Variants in ABCD3 observed in about 807,000 individuals in gnomAD.
ABCD3 encodes ATP-binding cassette sub-family D member 3.
In ABCD3, 41 loss-of-function variants were observed where a neutral mutation model predicts 105.5. The ratio of observed to expected loss-of-function variants is 0.39; its 90% CI spans 0.30 to 0.50. ABCD3 has a LOEUF of 0.50. Ranked by LOEUF, ABCD3 falls within the 20% of genes least tolerant of loss-of-function variation. The pLI is 0.84. For missense variants in ABCD3, 622 were observed against 806.3 expected, an observed-to-expected ratio of 0.77 and a Z score of 2.77; for synonymous variants, 258 against 269.0, an observed-to-expected ratio of 0.96 and a Z score of 0.40.
At chr1:94,450,377 CTGTGACA>C (rs1236018087) in intron 1 of ABCD3, among the ~76,000 whole-genome samples, 1 of 152,238 alleles carries the variant, frequency 6.6e-6, no homozygotes, top group Non-Finnish European at 1.5e-5. Context: ...CTCTGCAGTA[CTGTGACA>C]TGTTCCTGAT....
At chr1:94,428,138 C>A (rs190700815) in intron 1 of ABCD3, among the ~76,000 whole-genome samples, 3 of 148,610 alleles carry the variant, frequency 2.0e-5, no homozygotes, top group African/African-American at 7.5e-5. Context: ...TTTTTTTAAA[C>A]ACACCTTTCT....
At chr1:94,436,742 A>T (rs1433335285) in intron 1 of ABCD3, among the ~76,000 whole-genome samples, 1 of 152,192 alleles carries the variant, frequency 6.6e-6, no homozygotes, top group Non-Finnish European at 1.5e-5. Context: ...CTGTGATTGG[A>T]CATCTTTGTT....
At chr1:94,515,934 A>T (rs1174184183) in intron 22 of ABCD3, among the ~76,000 whole-genome samples, 2 of 146,912 alleles carry the variant, frequency 1.4e-5, no homozygotes, top group Non-Finnish European at 3.0e-5. Flanking sequence ...TTCCTAAATG[A>T]TATAGAAATT....
chr1:94,461,787 G>T (rs1053345331), intron 2 of ABCD3, among the ~76,000 whole-genome samples: 1 of 152,090 alleles, frequency 6.6e-6, no homozygotes, highest in African/African-American at 2.4e-5. Context: ...GTGTGGCTAA[G>T]CATATGTGCA....
At chr1:94,466,440 T>G (rs1648138714) in intron 3 of ABCD3, among the ~76,000 whole-genome samples, 1 of 152,170 alleles carries the variant, frequency 6.6e-6, no homozygotes, top group Non-Finnish European at 1.5e-5. Context: ...TCAAAACATG[T>G]AACTTCATTT....
chr1:94,514,219 G>A (rs1650821401), intron 21 of ABCD3: 1 of 152,044 alleles, frequency 6.6e-6, no homozygotes. Flanking sequence ...CCTTTTCACT[G>A]TTAATTCCTA....
rs1570851656 is a variant in ABCD3, at chr1:94,518,040, A to G, written c.*911A>G. On this transcript the variant is annotated 3_prime_UTR_variant, in exon 23 of 23. Coordinates refer to ENST00000370214, the MANE Select transcript of ABCD3 (RefSeq NM_002858.4). ...ACATGAAATAATGCACTGAGTATGC[A>G]ATGCTATCACTGTCTTTGACTGTGA... is the stretch of plus-strand genomic sequence containing the variant. 1 of 151,894 alleles carries G rather than the reference A, an allele frequency of 6.6e-6. No individual in the cohort carries two copies. The allele number at this position is 151,894 out of a possible 1,614,324, so 9.4% of individuals were successfully genotyped here. A position where few individuals can be genotyped will look rare whatever the true frequency, so the allele number is the denominator to read the frequency against.
intron 21 of ABCD3, among the ~76,000 whole-genome samples, chr1:94,512,569 A>T (rs879824510): frequency 6.6e-6 from 1 of 152,064 alleles, no homozygotes; most frequent in Admixed American, 6.6e-5. Context: ...TTATCTAAAC[A>T]TTAGAGTTTT....
chr1:94,398,205 TCAA>T, the ABCD3 span, among the ~76,000 whole-genome samples: 4 of 152,200 alleles, frequency 2.6e-5, no homozygotes, highest in Non-Finnish European at 5.9e-5. Flanking sequence ...TATCAATCAA[TCAA>T]CATGAGTTCC....
chr1:94,453,396 G>A (rs930220200), intron 1 of ABCD3, among the ~76,000 whole-genome samples: 1 of 147,652 alleles, frequency 6.8e-6, no homozygotes, highest in Admixed American at 6.9e-5. Context: ...TCGGCTCACT[G>A]CAGGCTCCGC....
At chr1:94,431,779 C>T (rs1329911839) in intron 1 of ABCD3, among the ~76,000 whole-genome samples, 1 of 151,992 alleles carries the variant, frequency 6.6e-6, no homozygotes, top group African/African-American at 2.4e-5. Flanking sequence ...ACGATATAGG[C>T]GTGAACCACC....
chr1:94,511,549 A>G (rs1650672696), intron 21 of ABCD3, among the ~76,000 whole-genome samples: 1 of 152,006 alleles, frequency 6.6e-6, no homozygotes, highest in South Asian at 2.1e-4. Flanking sequence ...GCCTTGCTAG[A>G]CTGGGGAAGT....
chr1:94,479,478 T>C (rs941648255), intron 8 of ABCD3, among the ~76,000 whole-genome samples: 2 of 152,060 alleles, frequency 1.3e-5, no homozygotes, highest in Non-Finnish European at 2.9e-5. Flanking sequence ...TATATTGTGC[T>C]AGATAGTAGG....
At chr1:94,466,588 G>A (rs1023858325) in intron 3 of ABCD3, among the ~76,000 whole-genome samples, 3 of 151,944 alleles carry the variant, frequency 2.0e-5, no homozygotes, top group African/African-American at 4.8e-5. Flanking sequence ...CATCCTGTAC[G>A]TCCCCACAAC....
chr1:94,398,235 C>T, the ABCD3 span, among the ~76,000 whole-genome samples: 1 of 152,068 alleles, frequency 6.6e-6, no homozygotes, highest in South Asian at 2.1e-4. Flanking sequence ...TATCTTTGAC[C>T]CTATTCTAGC....
upstream of ABCD3, among the ~76,000 whole-genome samples, chr1:94,413,748 A>T (rs1570719428): frequency 6.6e-6 from 1 of 152,314 alleles, no homozygotes; most frequent in Non-Finnish European, 1.5e-5. Context: ...CAGTGACTTG[A>T]GGTGTTTACC....
chr1:94,395,826 T>C, the ABCD3 span, among the ~76,000 whole-genome samples: 1 of 151,838 alleles, frequency 6.6e-6, no homozygotes, highest in Non-Finnish European at 1.5e-5. Flanking sequence ...TGTGTGTGTG[T>C]GTGCACGCGT....
Position 94,486,481 on chromosome 1 carries a change from A to T in ABCD3, c.898-1061A>T, listed in dbSNP as rs7517676. Among the ~76,000 whole-genome samples the T allele has an allele frequency of 1.5e-3, 236 of 152,302 alleles. 1 individual carries two copies. Among genetic ancestry groups the T allele is most frequent in the African/African-American group, 5.5e-3 (230 of 41,574 alleles). On this transcript the variant is annotated intron_variant, in intron 10 of 22. Transcript: ENST00000370214. The stretch of plus-strand genomic sequence containing the variant: ...TCTGACACATGGTAGTCATTGAATA[A>T]ATGTTCCAGAGATTGTCTAGTTGCA...
chr1:94,424,166 G>C (rs1391811319), intron 1 of ABCD3, among the ~76,000 whole-genome samples: 1 of 152,198 alleles, frequency 6.6e-6, no homozygotes, highest in Non-Finnish European at 1.5e-5. Context: ...GCCCAGAGCA[G>C]TGTTCTGAGA....
Sources: gnomAD v4.1 joint callset for allele counts (sites outside exome capture counted in the v4.1 genomes callset) on GRCh38, gnomAD v4.1.1 for gene constraint, MANE v1.5 for transcripts, NCBI Gene and HGNC (gene_info 2026-07-23, HGNC 2026-07-21) for gene names.